SHANK2: variants seen among roughly 807,000 people sequenced by gnomAD.
SHANK2 encodes the protein SH3 and multiple ankyrin repeat domains protein 2.
In SHANK2, 43 loss-of-function variants were observed where a neutral mutation model predicts 133.7. The observed-to-expected ratio is 0.32, with a 90% CI of 0.25 to 0.41. The LOEUF is 0.41. SHANK2 is among the 10% of genes least tolerant of loss of function. The pLI is 1.00. For synonymous variants in SHANK2, 1,017 were observed against 952.8 expected (o/e 1.07, Z -1.24); for missense variants, 1,994 against 2,235.8 (o/e 0.89, Z 2.18).
chr11:70,518,285 C>T lies in SHANK2; in HGVS notation c.2062-15354G>A, dbSNP rs553409190. Among the ~76,000 whole-genome samples, 8 of 152,262 alleles carry T rather than the reference C, an allele frequency of 5.3e-5. No homozygotes were observed. In the South Asian group the frequency reaches 1.7e-3, roughly 32 times the overall value. ...ACACAACTGAAGTGGGAGGATTGCT[C>T]GAGCCTGGGAGATTAGCTGCAGTTA... On this transcript the variant is annotated intron_variant, in intron 17 of 25. Transcript: ENST00000601538.
chr11:71,116,749 G>A (rs1555100447), intron 4 of SHANK2, among the ~76,000 whole-genome samples: 2 of 152,168 alleles, frequency 1.3e-5, no homozygotes, highest in Admixed American at 6.5e-5. Flanking sequence ...TGGGTCCTGG[G>A]GCGGATCCCT....
At chr11:70,599,051 G>C (rs1303188679) in intron 17 of SHANK2, among the ~76,000 whole-genome samples, 1 of 149,716 alleles carries the variant, frequency 6.7e-6, no homozygotes, top group Non-Finnish European at 1.5e-5. Flanking sequence ...GCAGGTCCTA[G>C]CTAGCGGAGA....
chr11:70,517,249 T>C (rs1461902503), intron 17 of SHANK2, among the ~76,000 whole-genome samples: 1 of 152,212 alleles, frequency 6.6e-6, no homozygotes, highest in African/African-American at 2.4e-5. Context: ...GCAACCGGAA[T>C]GCTTATCGTT....
chr11:70,484,398 C>A (rs1215463293), intron 25 of SHANK2, among the ~76,000 whole-genome samples: 2 of 152,052 alleles, frequency 1.3e-5, no homozygotes, highest in Non-Finnish European at 2.9e-5. Context: ...GACTGTGGTA[C>A]CTCCCCCGAC....
chr11:70,732,555 C>T (rs1222415515), intron 14 of SHANK2, among the ~76,000 whole-genome samples: 2 of 152,226 alleles, frequency 1.3e-5, no homozygotes, highest in African/African-American at 4.8e-5. Flanking sequence ...GCCTATGTGA[C>T]CACACCTCCC....
At chr11:71,115,101 T>A (rs1425968404) in intron 4 of SHANK2, among the ~76,000 whole-genome samples, 1 of 152,190 alleles carries the variant, frequency 6.6e-6, no homozygotes, top group Non-Finnish European at 1.5e-5. Flanking sequence ...TGCCCGCCCC[T>A]AATGTGTCAA....
intron 17 of SHANK2, among the ~76,000 whole-genome samples, chr11:70,576,924 C>T (rs1435348203): frequency 6.6e-6 from 1 of 152,230 alleles, no homozygotes; most frequent in Non-Finnish European, 1.5e-5. Flanking sequence ...TGGTAAATGC[C>T]TGGTGAGTGC....
intron 15 of SHANK2, among the ~76,000 whole-genome samples, chr11:70,693,143 C>A (rs1370118513): frequency 6.6e-6 from 1 of 152,152 alleles, no homozygotes; most frequent in Non-Finnish European, 1.5e-5. Context: ...CCAGCCCCAA[C>A]CACCATTGTT....
intron 17 of SHANK2, among the ~76,000 whole-genome samples, chr11:70,632,657 GC>G (rs1285913282): frequency 2.0e-5 from 3 of 152,034 alleles, no homozygotes; most frequent in African/African-American, 7.2e-5. Context: ...TGGGCACACA[GC>G]CACATGCTGC....
intron 10 of SHANK2, among the ~76,000 whole-genome samples, chr11:70,919,979 T>C (rs1319343321): frequency 6.6e-6 from 1 of 152,142 alleles, no homozygotes; most frequent in African/African-American, 2.4e-5. Flanking sequence ...GACATAGCCA[T>C]GTTGGGATAA....
chr11:70,713,951 A>C (rs1029205634), intron 14 of SHANK2, among the ~76,000 whole-genome samples: 3 of 152,180 alleles, frequency 2.0e-5, no homozygotes, highest in Non-Finnish European at 4.4e-5. Flanking sequence ...TGGCCATGCT[A>C]AGTGCCTTCT....
At chr11:70,489,297 T>G (rs1555155144) in intron 24 of SHANK2, 31 bp downstream of exon 24, 1 of 1,605,856 alleles carries the variant, frequency 6.2e-7, no homozygotes, top group Admixed American at 1.7e-5. Flanking sequence ...TACATTCAGA[T>G]TACAGATTCC....
Position 70,486,167 on chromosome 11 carries a change from C to G in SHANK2, c.4126G>C (p.Val1376Leu), listed in dbSNP as rs199530657. ...EPTTVPGRTI[V>L]AVGSMEEAVI... ...GCCTCTTCCATGGAGCCCACCGCGACGATGGTTCTGCCGGGCACGGTGGTG... is the reference window on the plus strand; with the variant it reads ...GCCTCTTCCATGGAGCCCACCGCGAGGATGGTTCTGCCGGGCACGGTGGTG... The change falls in exon 25 of 26, where the codon GTC (valine) becomes CTC (leucine). Residue 1376 changes from valine (V) to leucine (L), a missense_variant. Coordinates refer to ENST00000601538, the MANE Select transcript of SHANK2 (RefSeq NM_012309.5). This position sits in a 1 kb window ranked among gnomAD's most constrained non-coding sequence, Gnocchi z 8.0. 6.2e-7 allele frequency: 1 copy of G among 1,613,668 alleles called. No homozygotes were observed. Among genetic ancestry groups the G allele is most frequent in the South Asian group, 1.1e-5 (1 of 91,070 alleles).
chr11:71,234,698 C>T (rs922424407), intron 1 of SHANK2, among the ~76,000 whole-genome samples: 1 of 152,124 alleles, frequency 6.6e-6, no homozygotes, highest in Non-Finnish European at 1.5e-5. Context: ...CCATGCCTTC[C>T]CCACTGCCCG....
chr11:71,151,392 A>C (rs1952794855), intron 2 of SHANK2, among the ~76,000 whole-genome samples: 1 of 151,998 alleles, frequency 6.6e-6, no homozygotes, highest in South Asian at 2.1e-4. Context: ...CTCAGCAGGC[A>C]CTCCGGCCTC....
At chr11:70,787,659 C>A (rs1555046994) in intron 14 of SHANK2, among the ~76,000 whole-genome samples, 1 of 152,076 alleles carries the variant, frequency 6.6e-6, no homozygotes, top group African/African-American at 2.4e-5. Flanking sequence ...AACACCACCA[C>A]CACCATAAAC....
At chr11:70,888,029 C>T (rs1227795201) in intron 11 of SHANK2, among the ~76,000 whole-genome samples, 1 of 152,154 alleles carries the variant, frequency 6.6e-6, no homozygotes, top group East Asian at 1.9e-4. Context: ...TTGCTGAAGA[C>T]CATAATGCAG....
At chr11:71,147,521 C>T (rs1555107002) in intron 2 of SHANK2, among the ~76,000 whole-genome samples, 183 bp from the exon 3 acceptor site, 1 of 152,206 alleles carries the variant, frequency 6.6e-6, no homozygotes. Context: ...AGGGCGGACA[C>T]AAGTCGGCAC....
rs773513598 is a variant in SHANK2, at chr11:70,911,286, G to T, written c.1108-14719C>A. 6.9e-6 allele frequency: 3 copies of T among 433,394 alleles called. 1 individual carries two copies. Among genetic ancestry groups the T allele is most frequent in the Non-Finnish European group, 1.4e-5 (3 of 215,758 alleles). 26.8% of individuals were successfully genotyped at this position (433,394 alleles called of 1,614,324 possible). ...TGTTGCCCTGGCTTGAACCCAGAAG[G>T]TGGAGGTTGCAGTGAGCCAAGATCA... On this transcript the variant is annotated intron_variant, in intron 10 of 25. Transcript: ENST00000601538.
Sources: allele counts gnomAD v4.1 joint callset (sites outside exome capture counted in the v4.1 genomes callset), GRCh38; gene constraint gnomAD v4.1.1; non-coding constraint Gnocchi (gnomAD v3.1); transcripts MANE v1.5; gene names NCBI Gene and HGNC (gene_info 2026-07-23, HGNC 2026-07-21).